KCNH7: variants seen among roughly 807,000 people sequenced by gnomAD.
KCNH7 encodes voltage-gated inwardly rectifying potassium channel KCNH7.
Under a neutral mutation model 120.8 loss-of-function variants are expected in KCNH7, and 49 were observed. That is an observed-to-expected ratio of 0.41 (90% confidence interval 0.32 to 0.51). The LOEUF is 0.51. Among genes scored for constraint, KCNH7 ranks in the 20% least tolerant of loss-of-function variants. The pLI is 0.38. For missense variants in KCNH7, 1,097 were observed against 1,446.6 expected, an observed-to-expected ratio of 0.76 and a Z score of 3.92; for synonymous variants, 547 against 516.1, an observed-to-expected ratio of 1.06 and a Z score of -0.81.
intron 2 of KCNH7, among the ~76,000 whole-genome samples, chr2:162,768,345 T>A (rs1181295936): frequency 3.3e-5 from 5 of 152,002 alleles, no homozygotes; most frequent in South Asian, 4.1e-4. Context: ...GGTTTTTTTT[T>A]ATAAATTGTG....
intron 2 of KCNH7, among the ~76,000 whole-genome samples, chr2:162,655,303 TTATTCC>T (rs1296243116): frequency 6.6e-6 from 1 of 152,192 alleles, no homozygotes; most frequent in Admixed American, 6.5e-5. Flanking sequence ...AAAAAGTTTA[TTATTCC>T]TCTTTTCAAT....
At chr2:162,522,260 T>C (rs1344257238) in intron 3 of KCNH7, among the ~76,000 whole-genome samples, 3 of 151,922 alleles carry the variant, frequency 2.0e-5, no homozygotes, top group Admixed American at 2.0e-4. Flanking sequence ...TTACGATGCA[T>C]TGAAAGTCAA....
rs144552145 is a variant in KCNH7 at position 162,381,513 on chromosome 2, A to G, written c.2963-1492T>C. ...CACTCATTATCTTTTAACATTGAACATAAAGAAATTTCTCAAATGAGGTGT... is the reference window on the plus strand; with the variant it reads ...CACTCATTATCTTTTAACATTGAACGTAAAGAAATTTCTCAAATGAGGTGT... On this transcript the variant is annotated intron_variant, in intron 13 of 15. Transcript: ENST00000332142. Among the ~76,000 whole-genome samples, 341 of 152,242 alleles carry G rather than the reference A, an allele frequency of 2.2e-3. 1 individual carries two copies. The highest frequency in any genetic ancestry group is 7.3e-3 in the African/African-American group (304 of 41,570).
intron 2 of KCNH7, among the ~76,000 whole-genome samples, chr2:162,560,929 A>G (rs1693039739): frequency 6.6e-6 from 1 of 152,220 alleles, no homozygotes. Context: ...ATAACAAAGT[A>G]TGAAGGCCAT....
intron 2 of KCNH7, among the ~76,000 whole-genome samples, chr2:162,549,491 T>C (rs1357367891): frequency 6.6e-6 from 1 of 152,208 alleles, no homozygotes; most frequent in African/African-American, 2.4e-5. Flanking sequence ...ATAAACACTT[T>C]CTGAGATAAA....
chr2:162,779,833 C>G (rs1282970339), intron 2 of KCNH7, among the ~76,000 whole-genome samples: 1 of 152,132 alleles, frequency 6.6e-6, no homozygotes, highest in Non-Finnish European at 1.5e-5. Context: ...CAGTAATTAT[C>G]TCACTTTAAT....
intron 2 of KCNH7, among the ~76,000 whole-genome samples, chr2:162,815,731 A>G (rs898302237): frequency 2.0e-5 from 3 of 152,184 alleles, no homozygotes; most frequent in Non-Finnish European, 4.4e-5. Flanking sequence ...TTTAAAACGT[A>G]TTTATAAATA....
chr2:162,804,319 G>C (rs1003358012), intron 2 of KCNH7, among the ~76,000 whole-genome samples: 12 of 151,798 alleles, frequency 7.9e-5, no homozygotes, highest in African/African-American at 2.9e-4. Flanking sequence ...GATATACCTA[G>C]AAAACCCTAC....
intron 2 of KCNH7, among the ~76,000 whole-genome samples, chr2:162,811,076 G>T (rs1200364926): frequency 6.6e-6 from 1 of 151,972 alleles, no homozygotes; most frequent in Non-Finnish European, 1.5e-5. Flanking sequence ...ATGATGAATG[G>T]CTTTTCTACA....
Position 162,685,372 on chromosome 2 carries a change from G to A in KCNH7, c.308-148292C>T, listed in dbSNP as rs545478717. Among the ~76,000 whole-genome samples the A allele has an allele frequency of 3.9e-4, 60 of 151,908 alleles. No individual in the cohort carries two copies. In the South Asian group the frequency reaches 9.1e-3, roughly 23 times the overall value. ...AAAAAAAGATATTTTTAGACCATAC[G>A]TTCTGGGAACTTAGCATTATACTTA... On this transcript the variant is annotated intron_variant, in intron 2 of 15. Transcript: ENST00000332142.
intron 2 of KCNH7, among the ~76,000 whole-genome samples, chr2:162,657,586 A>C (rs539740592): frequency 6.6e-6 from 1 of 152,192 alleles, no homozygotes; most frequent in African/African-American, 2.4e-5. Flanking sequence ...GTTTACCTAC[A>C]TAAAAAATAT....
intron 2 of KCNH7, among the ~76,000 whole-genome samples, chr2:162,705,574 A>G (rs57870250): frequency 0.09 from 13,753 of 152,130 alleles, 1,927 homozygotes; most frequent in African/African-American, 0.3. Flanking sequence ...TCATTACAGT[A>G]TAAATTATGC....
At chr2:162,665,549 T>A (rs1199190042) in intron 2 of KCNH7, among the ~76,000 whole-genome samples, 1 of 152,166 alleles carries the variant, frequency 6.6e-6, no homozygotes, top group African/African-American at 2.4e-5. Context: ...ATGGAGTTCT[T>A]TTTCTAATAC....
chr2:162,471,529 A>G (rs1689529287), intron 6 of KCNH7, among the ~76,000 whole-genome samples: 2 of 152,200 alleles, frequency 1.3e-5, no homozygotes, highest in South Asian at 4.1e-4. Flanking sequence ...ACGACCTTAC[A>G]AGGGATGTGA....
chr2:162,556,189 A>C (rs1692850038), intron 2 of KCNH7, among the ~76,000 whole-genome samples: 1 of 152,172 alleles, frequency 6.6e-6, no homozygotes, highest in African/African-American at 2.4e-5. Context: ...TCTGGAAGGA[A>C]ACACACACAT....
intron 2 of KCNH7, among the ~76,000 whole-genome samples, chr2:162,587,955 C>T (rs966158898): frequency 1.2e-4 from 19 of 152,092 alleles, no homozygotes; most frequent in African/African-American, 3.6e-4. Flanking sequence ...CCAAACAACG[C>T]ATTTCCCAGG....
intron 6 of KCNH7, among the ~76,000 whole-genome samples, chr2:162,484,969 A>G (rs922871639): frequency 3.3e-5 from 5 of 152,182 alleles, no homozygotes; most frequent in Non-Finnish European, 7.3e-5. Flanking sequence ...ATTTTTTTAA[A>G]ATAATTTACC....
intron 2 of KCNH7, 95 bp from the exon 3 acceptor site, chr2:162,537,175 G>A (rs973258708): frequency 1.1e-6 from 1 of 926,238 alleles, no homozygotes; most frequent in African/African-American, 1.7e-5. Context: ...AAGGAAATTT[G>A]TATCTTAAAT....
intron 2 of KCNH7, among the ~76,000 whole-genome samples, chr2:162,768,035 T>C (rs1682889348): frequency 6.6e-6 from 1 of 152,156 alleles, no homozygotes; most frequent in Non-Finnish European, 1.5e-5. Flanking sequence ...TTAAGAGAAA[T>C]ATGAAATAAA....
Sources: allele counts gnomAD v4.1 joint callset (sites outside exome capture counted in the v4.1 genomes callset), GRCh38; gene constraint gnomAD v4.1.1; transcripts MANE v1.5; gene names NCBI Gene and HGNC (gene_info 2026-07-23, HGNC 2026-07-21).